Variants in LIPM observed in about 807,000 individuals in gnomAD.
LIPM encodes the protein lipase member M.
A neutral mutation model predicts 42.4 loss-of-function variants in LIPM; 42 were observed. The observed-to-expected ratio is 0.99, with a 90% CI of 0.77 to 1.28. The LOEUF (loss-of-function observed/expected upper bound fraction) is 1.28. Among genes scored for constraint, LIPM ranks in the 50% most tolerant of loss-of-function variants. The pLI is 0.00. For missense variants in LIPM, 524 were observed against 520.1 expected, an observed-to-expected ratio of 1.01 and a Z score of -0.07; for synonymous variants, 177 against 173.3, an observed-to-expected ratio of 1.02 and a Z score of -0.17.
rs962231186 is a variant in LIPM, at chr10:88,815,602, G to C, written c.858+99G>C. The C allele has an allele frequency of 3.8e-6, 4 of 1,040,732 alleles. No individual in the cohort carries two copies. In the South Asian group the frequency reaches 6.5e-5, roughly 17 times the overall value. 64.5% of individuals were successfully genotyped at this position (1,040,732 alleles called of 1,614,324 possible). On this transcript the variant is annotated intron_variant, in intron 6 of 8. Coordinates refer to ENST00000404743, the MANE Select transcript of LIPM (RefSeq NM_001128215.1). Reference sequence around the variant, plus strand: ...GAGCTAATGCCAGTGAAGACTCAGAGTAATGATATATTCTCAGTAACTCAG... The same window carrying C: ...GAGCTAATGCCAGTGAAGACTCAGACTAATGATATATTCTCAGTAACTCAG...
At position 88,820,429 on chromosome 10, in the gene LIPM, C is replaced by A. The variant is rs1045763152; in HGVS notation, c.1200C>A (p.Tyr400Ter). ...GTTTGGATGCTCCTCACCGTATGTA[C>A]AATGAAATCATCCATCTGATGCAGC... ...IWGLDAPHRM[Y>*]NEIIHLMQQE... Residue 400 changes from tyrosine (Y) to a stop codon, truncating the protein, a stop_gained, in exon 9 of 9, where the codon TAC (tyrosine) becomes TAA (stop). Transcript: ENST00000404743. LOFTEE classifies it low-confidence loss of function (END_TRUNC). The A allele has an allele frequency of 1.9e-6, 3 of 1,552,004 alleles. No individual in the cohort carries two copies. The highest frequency in any genetic ancestry group is 1.2e-5 in the South Asian group (1 of 84,052).
At chr10:88,814,389 A>G (rs1843692058) in intron 3 of LIPM, 141 bp from the exon 4 acceptor site, 1 of 616,564 alleles carries the variant, frequency 1.6e-6, no homozygotes, top group Non-Finnish European at 2.9e-6. Flanking sequence ...AAAGAAATCC[A>G]TTCTGAGTGT....
intron 1 of LIPM, among the ~76,000 whole-genome samples, chr10:88,804,290 T>A (rs1219192334): frequency 6.6e-6 from 1 of 152,162 alleles, no homozygotes; most frequent in Non-Finnish European, 1.5e-5. Flanking sequence ...CAGACAGAGA[T>A]GATCTTCCTG....
intron 7 of LIPM, among the ~76,000 whole-genome samples, chr10:88,817,425 C>A (rs144218018): frequency 7.9e-4 from 120 of 152,150 alleles, no homozygotes; most frequent in African/African-American, 2.7e-3. Context: ...AGAGAGAGAG[C>A]AATTGTACCA....
chr10:88,817,365 G>A (rs1001910256), intron 7 of LIPM, among the ~76,000 whole-genome samples: 1 of 152,196 alleles, frequency 6.6e-6, no homozygotes, highest in Non-Finnish European at 1.5e-5. Flanking sequence ...GAAAGAGAGG[G>A]ATGGGGGAAG....
Position 88,817,772 on chromosome 10 carries a change from A to G in LIPM, c.931-53A>G, listed in dbSNP as rs1843734618. ...GGTAGCACATTTCCACCACCCCACCACGCTTATCCACTGAGACGTTGGAAT... is the reference window on the plus strand; with the variant it reads ...GGTAGCACATTTCCACCACCCCACCGCGCTTATCCACTGAGACGTTGGAAT... On this transcript the variant is annotated intron_variant, in intron 7 of 8. Coordinates refer to ENST00000404743, the MANE Select transcript of LIPM (RefSeq NM_001128215.1). 5 of 1,262,350 alleles carry G rather than the reference A, an allele frequency of 4.0e-6. No individual in the cohort carries two copies. In the East Asian group the frequency reaches 1.3e-4, roughly 32 times the overall value. 78.2% of individuals were successfully genotyped at this position (1,262,350 alleles called of 1,614,324 possible).
At chr10:88,810,258 A>G (rs1252784904) in intron 2 of LIPM, among the ~76,000 whole-genome samples, 4 of 152,192 alleles carry the variant, frequency 2.6e-5, no homozygotes, top group African/African-American at 7.2e-5. Context: ...CACGAATCTC[A>G]GGGGAGTGGT....
chr10:88,806,629 G>C (rs1209443366), intron 1 of LIPM, among the ~76,000 whole-genome samples: 3 of 152,116 alleles, frequency 2.0e-5, no homozygotes, highest in African/African-American at 7.2e-5. Flanking sequence ...CCCGCAATTT[G>C]TGTTTTAACA....
intron 8 of LIPM, among the ~76,000 whole-genome samples, chr10:88,819,323 A>C (rs771423132): frequency 3.9e-5 from 6 of 152,212 alleles, no homozygotes; most frequent in Non-Finnish European, 8.8e-5. Flanking sequence ...AGAATCACAG[A>C]AACTCAGAGC....
At chr10:88,811,012 C>G (rs1843648583) in intron 2 of LIPM, among the ~76,000 whole-genome samples, 1 of 152,128 alleles carries the variant, frequency 6.6e-6, no homozygotes, top group Non-Finnish European at 1.5e-5. Context: ...TCCTCCTGGC[C>G]CTTCACTCAC....
Position 88,819,600 on chromosome 10 carries a change from G to A in LIPM, c.1003-632G>A, listed in dbSNP as rs113248953. Among the ~76,000 whole-genome samples, 153 of 152,292 alleles carry A rather than the reference G, an allele frequency of 1.0e-3. No individual in the cohort carries two copies. The Middle Eastern group carries it at 0.01, about 10-fold the overall frequency. On this transcript the variant is annotated intron_variant, in intron 8 of 8. Coordinates refer to ENST00000404743, the MANE Select transcript of LIPM (RefSeq NM_001128215.1). ...AATTCTACTAACACTGCATAAATAC[G>A]GAAAGTTCCCAGGTATTAGGAATAC...
At chr10:88,811,042 G>A (rs769054544) in intron 2 of LIPM, among the ~76,000 whole-genome samples, 31 of 152,272 alleles carry the variant, frequency 2.0e-4, no homozygotes, top group South Asian at 8.3e-4. Flanking sequence ...TGACCCACAC[G>A]TTCTCTCCCT....
At chr10:88,804,371 A>C (rs1052086789) in intron 1 of LIPM, among the ~76,000 whole-genome samples, 32 of 152,244 alleles carry the variant, frequency 2.1e-4, no homozygotes, top group African/African-American at 7.2e-4. Context: ...ACTAAAGCCC[A>C]TTGAATTGGG....
rs570726883 is a variant in LIPM, at chr10:88,808,054, C to G, written c.148-244C>G. Among the ~76,000 whole-genome samples the G allele has an allele frequency of 7.9e-5, 12 of 152,298 alleles. 1 individual carries two copies. The South Asian group carries it at 2.5e-3, about 32-fold the overall frequency. On this transcript the variant is annotated intron_variant, in intron 1 of 8. Transcript: ENST00000404743. ...ATCTAACAGATTAGTCCAAGTGATG[C>G]TGATGCCTTTGTCCCAAGGCCCATA...
chr10:88,812,918 C>T (rs895247841), intron 2 of LIPM, among the ~76,000 whole-genome samples, 179 bp from the exon 3 acceptor site: 1 of 152,146 alleles, frequency 6.6e-6, no homozygotes, highest in Non-Finnish European at 1.5e-5. Context: ...TCTTATTTTA[C>T]TGATGAGGAA....
intron 1 of LIPM, among the ~76,000 whole-genome samples, chr10:88,806,247 C>T (rs1264934644): frequency 6.6e-6 from 1 of 152,168 alleles, no homozygotes; most frequent in East Asian, 1.9e-4. Context: ...ATGTCCATGT[C>T]CCTATCCCTA....
At chr10:88,818,503 G>A (rs1166868365) in intron 8 of LIPM, among the ~76,000 whole-genome samples, 2 of 152,204 alleles carry the variant, frequency 1.3e-5, no homozygotes, top group African/African-American at 4.8e-5. Flanking sequence ...AAGAAAATAT[G>A]TAGCTAATGC....
intron 1 of LIPM, chr10:88,805,835 C>T (rs1430971378): frequency 1.6e-5 from 6 of 376,480 alleles, no homozygotes; most frequent in East Asian, 8.6e-5. Flanking sequence ...TCATCATCAT[C>T]GCCTGTGGAA....
In LIPM at chr10:88,802,794, T is replaced by C; in HGVS notation, c.-103T>C. The C allele has an allele frequency of 2.5e-6, 3 of 1,222,894 alleles. No individual in the cohort carries two copies. The highest frequency in any genetic ancestry group is 3.4e-6 in the Non-Finnish European group (3 of 891,032). The allele number at this position is 1,222,894 out of a possible 1,614,324, so 75.8% of individuals were successfully genotyped here. A position where few individuals can be genotyped will look rare whatever the true frequency, so the allele number is the denominator to read the frequency against. The stretch of plus-strand genomic sequence containing the variant: ...TTTGCTTCAGAATTGGAAGAGGGAA[T>C]TGCAGCAGGAAAATATGTGAAGAGT... On this transcript the variant is annotated 5_prime_UTR_variant, in exon 1 of 9. Coordinates refer to ENST00000404743, the MANE Select transcript of LIPM (RefSeq NM_001128215.1).
Sources: allele counts gnomAD v4.1 joint callset (sites outside exome capture counted in the v4.1 genomes callset), GRCh38; gene constraint gnomAD v4.1.1; transcripts MANE v1.5; gene names NCBI Gene and HGNC (gene_info 2026-07-23, HGNC 2026-07-21).